Variants in OCIAD1 observed in about 807,000 individuals in gnomAD.
OCIAD1 encodes the protein OCIA domain containing 1.
Under a neutral mutation model 38.9 loss-of-function variants are expected in OCIAD1, and 29 were observed. The ratio of observed to expected loss-of-function variants is 0.74; its 90% CI spans 0.55 to 1.02. OCIAD1 has a LOEUF of 1.02. Ranked by LOEUF, OCIAD1 falls within the 50% of genes least tolerant of loss-of-function variation. The pLI is 0.00. For synonymous variants in OCIAD1, 110 were observed against 92.0 expected (o/e 1.20, Z -1.12); for missense variants, 288 against 289.6 (o/e 0.99, Z 0.04).
chr4:48,850,257 A>G (rs571460585), intron 6 of OCIAD1, among the ~76,000 whole-genome samples, 175 bp downstream of exon 6: 1 of 152,218 alleles, frequency 6.6e-6, no homozygotes, highest in East Asian at 1.9e-4. Flanking sequence ...CCATTTATTT[A>G]TTTATGAATG....
intron 1 of OCIAD1, among the ~76,000 whole-genome samples, chr4:48,814,677 A>G (rs547787536): frequency 2.6e-5 from 4 of 152,164 alleles, no homozygotes; most frequent in Non-Finnish European, 5.9e-5. Flanking sequence ...TATAGGCTAT[A>G]TCACTTTTAT....
intron 1 of OCIAD1, among the ~76,000 whole-genome samples, chr4:48,819,413 A>C (rs1043527991): frequency 6.6e-6 from 1 of 152,198 alleles, no homozygotes; most frequent in Non-Finnish European, 1.5e-5. Flanking sequence ...AAATATGGAA[A>C]GGAAAAACTG....
Position 48,853,123 on chromosome 4 carries a change from C to T in OCIAD1, c.547+1148C>T, listed in dbSNP as rs1161189249. Among the ~76,000 whole-genome samples, 7 of 151,954 alleles carry T rather than the reference C, an allele frequency of 4.6e-5. No individual in the cohort carries two copies. The East Asian group carries it at 1.3e-3, about 29-fold the overall frequency. ...CTTGATCTCCTGACCTCGTGATCCG[C>T]CCGCCTCGGCCTCCCAAAGTGCTGG... On this transcript the variant is annotated intron_variant, in intron 7 of 8. Coordinates refer to ENST00000264312, the MANE Select transcript of OCIAD1 (RefSeq NM_017830.4).
At chr4:48,835,165 C>T (rs1777872153) in intron 3 of OCIAD1, among the ~76,000 whole-genome samples, 1 of 152,168 alleles carries the variant, frequency 6.6e-6, no homozygotes, top group Admixed American at 6.5e-5. Flanking sequence ...AACTCCTGAC[C>T]TCAGTTGATT....
At chr4:48,844,253 T>C (rs1778787709) in intron 4 of OCIAD1, among the ~76,000 whole-genome samples, 1 of 151,988 alleles carries the variant, frequency 6.6e-6, no homozygotes, top group Non-Finnish European at 1.5e-5. Context: ...ATAGCTGAAG[T>C]AGAGCCAGGA....
chr4:48,845,724 C>A (rs903972187), intron 4 of OCIAD1, among the ~76,000 whole-genome samples: 2 of 152,172 alleles, frequency 1.3e-5, no homozygotes, highest in Non-Finnish European at 1.5e-5. Flanking sequence ...TCCTCCTTTC[C>A]CTTCATGACT....
chr4:48,834,964 C>A (rs1777855017), intron 3 of OCIAD1, among the ~76,000 whole-genome samples: 1 of 152,212 alleles, frequency 6.6e-6, no homozygotes, highest in African/African-American at 2.4e-5. Context: ...GACGGAGTCT[C>A]ACTCTCTTCC....
chr4:48,837,304 T>G (rs1778091487), intron 3 of OCIAD1: 1 of 151,622 alleles, frequency 6.6e-6, no homozygotes, highest in African/African-American at 2.4e-5. Context: ...CGGTGTTCTT[T>G]TTTTTGTGAC....
At chr4:48,821,803 A>C (rs903110085) in intron 1 of OCIAD1, among the ~76,000 whole-genome samples, 2 of 152,240 alleles carry the variant, frequency 1.3e-5, no homozygotes, top group Non-Finnish European at 2.9e-5. Context: ...AATTGCTACA[A>C]AGAGAATAAA....
Position 48,855,637 on chromosome 4 carries a change from C to T in OCIAD1, c.548-1576C>T, listed in dbSNP as rs188174906. Among the ~76,000 whole-genome samples the T allele has an allele frequency of 2.4e-3, 361 of 151,986 alleles. 1 individual carries two copies. The highest frequency in any genetic ancestry group is 8.3e-3 in the African/African-American group (344 of 41,476). On this transcript the variant is annotated intron_variant, in intron 7 of 8. Transcript: ENST00000264312. Reference sequence around the variant, plus strand: ...TTCAAGACCAGCCTGACCAATATGGCGAAACCCTGTCTCTACTAAAAATGC... The same window carrying T: ...TTCAAGACCAGCCTGACCAATATGGTGAAACCCTGTCTCTACTAAAAATGC...
intron 1 of OCIAD1, among the ~76,000 whole-genome samples, chr4:48,812,802 A>T (rs181065306): frequency 2.6e-5 from 4 of 152,338 alleles, no homozygotes; most frequent in African/African-American, 9.6e-5. Flanking sequence ...GGTCAAGAAA[A>T]GCTTTGGGAT....
intron 1 of OCIAD1, among the ~76,000 whole-genome samples, chr4:48,817,497 G>C (rs1478579802): frequency 7.9e-5 from 12 of 151,810 alleles, no homozygotes; most frequent in Admixed American, 1.3e-4. Flanking sequence ...CAAAACTGGG[G>C]GGCTGTTTGG....
At chr4:48,831,305 C>T in intron 1 of OCIAD1, 56 bp downstream of exon 1, 1 of 382,752 alleles carries the variant, frequency 2.6e-6, no homozygotes, top group Middle Eastern at 9.2e-4. Context: ...CCCCTCACCA[C>T]CTTTGCGGCC....
At chr4:48,844,217 G>T (rs1778783791) in intron 4 of OCIAD1, among the ~76,000 whole-genome samples, 1 of 152,188 alleles carries the variant, frequency 6.6e-6, no homozygotes, top group African/African-American at 2.4e-5. Context: ...ACAAAATCAT[G>T]CAGGGAGGAG....
chr4:48,838,385 C>T (rs988590585), intron 3 of OCIAD1, among the ~76,000 whole-genome samples: 4 of 151,242 alleles, frequency 2.6e-5, no homozygotes, highest in African/African-American at 7.3e-5. Context: ...TAATTTTATA[C>T]CATATCTACA....
rs1579130656 is a variant in OCIAD1, at chr4:48,860,669, A to G, written c.701-56A>G. On this transcript the variant is annotated intron_variant, in intron 8 of 8. Coordinates refer to ENST00000264312, the MANE Select transcript of OCIAD1 (RefSeq NM_017830.4). ...TTCATCATAGCAACAAACTTAAAAT[A>G]ATGTCTTTTACTTATTATTGCTTGG... is the stretch of plus-strand genomic sequence containing the variant. The G allele has an allele frequency of 2.4e-6, 3 of 1,253,136 alleles. No homozygotes were observed. The African/African-American group carries it at 4.5e-5, about 19-fold the overall frequency. 77.6% of individuals were successfully genotyped at this position (1,253,136 alleles called of 1,614,324 possible).
rs118097695 is a variant in OCIAD1 at position 48,836,198 on chromosome 4, A to G, written c.139+2717A>G. Among the ~76,000 whole-genome samples the G allele has an allele frequency of 7.7e-4, 117 of 152,318 alleles. 2 individuals are homozygous for G. The East Asian group carries it at 0.022, about 29-fold the overall frequency. On this transcript the variant is annotated intron_variant, in intron 3 of 8. Transcript: ENST00000264312. ...TAACTTAGGCATATATATGTAGTCA[A>G]CGATGAGATATAGTTGATTAGTGTG...
chr4:48,834,163 T>C (rs554434972), intron 3 of OCIAD1, among the ~76,000 whole-genome samples: 1 of 152,246 alleles, frequency 6.6e-6, no homozygotes, highest in Non-Finnish European at 1.5e-5. Flanking sequence ...GGATGAATTT[T>C]TTTTTGTTTT....
chr4:48,810,188 GGT>G (rs1013572027), intron 1 of OCIAD1, among the ~76,000 whole-genome samples: 1 of 151,900 alleles, frequency 6.6e-6, no homozygotes, highest in Admixed American at 6.6e-5. Context: ...TTAGGAACTC[GGT>G]GTGTGTGTGT....
Sources: gnomAD v4.1 joint callset for allele counts (sites outside exome capture counted in the v4.1 genomes callset) on GRCh38, gnomAD v4.1.1 for gene constraint, MANE v1.5 for transcripts, NCBI Gene and HGNC (gene_info 2026-07-23, HGNC 2026-07-21) for gene names.